NUP93: variants seen among roughly 807,000 people sequenced by gnomAD.
The protein encoded by NUP93 is nucleoporin 93.
NUP93 carries 55 observed loss-of-function variants against 107.8 expected under a neutral mutation model. The ratio of observed to expected loss-of-function variants is 0.51; its 90% confidence interval spans 0.41 to 0.64. The LOEUF (loss-of-function observed/expected upper bound fraction) is 0.64, where lower values mean the gene tolerates loss of function less well. Ranked by LOEUF, NUP93 falls within the 30% of genes least tolerant of loss-of-function variation. The pLI, the probability that NUP93 is intolerant of heterozygous loss-of-function variation, is 0.00. For missense variants in NUP93, 937 were observed against 1,044.7 expected, an observed-to-expected ratio of 0.90 and a Z score of 1.42; for synonymous variants, 390 against 397.5, an observed-to-expected ratio of 0.98 and a Z score of 0.22.
At chr16:56,760,153 T>C (rs1962097174) in intron 3 of NUP93, among the ~76,000 whole-genome samples, 1 of 152,206 alleles carries the variant, frequency 6.6e-6, no homozygotes, top group Non-Finnish European at 1.5e-5. Flanking sequence ...ATTTCTTAAT[T>C]TGGAATGAGC....
intron 5 of NUP93, among the ~76,000 whole-genome samples, chr16:56,806,203 T>C (rs1375539494): frequency 6.6e-6 from 1 of 151,620 alleles, no homozygotes; most frequent in Non-Finnish European, 1.5e-5. Context: ...GTTTTTCACT[T>C]GCTCAGATCA....
At chr16:56,732,451 T>G (rs1381863824) in intron 1 of NUP93, among the ~76,000 whole-genome samples, 2 of 152,150 alleles carry the variant, frequency 1.3e-5, no homozygotes, top group Non-Finnish European at 2.9e-5. Context: ...ATAGGAAGTG[T>G]GATGTCAGGG....
chr16:56,841,463 A>T (rs1220876986), intron 20 of NUP93, among the ~76,000 whole-genome samples: 1 of 152,218 alleles, frequency 6.6e-6, no homozygotes, highest in Non-Finnish European at 1.5e-5. Context: ...TGACTAAGGG[A>T]AAAACAGCAT....
At chr16:56,811,517 G>GTT (rs149356174) in intron 5 of NUP93, among the ~76,000 whole-genome samples, 17 of 146,376 alleles carry the variant, frequency 1.2e-4, no homozygotes, top group Non-Finnish European at 2.1e-4. Context: ...TTTTGTTTTT[G>GTT]TTTTTTTTTT....
At chr16:56,826,117 G>A (rs1237814263) in intron 8 of NUP93, among the ~76,000 whole-genome samples, 1 of 152,168 alleles carries the variant, frequency 6.6e-6, no homozygotes, top group Non-Finnish European at 1.5e-5. Flanking sequence ...GCCCTTGTCA[G>A]CACATGAACT....
At chr16:56,748,125 T>C in intron 1 of NUP93, 109 bp from the exon 2 acceptor site, 1 of 689,792 alleles carries the variant, frequency 1.4e-6, no homozygotes, top group East Asian at 2.6e-5. Flanking sequence ...TGTGTCCTCG[T>C]CTGTTTACAA....
rs113942827 is a variant in NUP93, at chr16:56,812,585, T to C, written c.490-6079T>C. Among the ~76,000 whole-genome samples the C allele has an allele frequency of 5.1e-3, 780 of 152,230 alleles. 2 individuals are homozygous for C. The highest frequency in any genetic ancestry group is 8.2e-3 in the Non-Finnish European group (556 of 68,012). On this transcript the variant is annotated intron_variant, in intron 5 of 21. Transcript: ENST00000308159. ...GTCTGGATCTCCTGACCTTGTGATC[T>C]GCCCGCCTCGGCCTCCCAAAGTGCT...
chr16:56,837,021 A>G (rs1254453499), intron 17 of NUP93, among the ~76,000 whole-genome samples: 1 of 152,234 alleles, frequency 6.6e-6, no homozygotes, highest in Non-Finnish European at 1.5e-5. Context: ...CACTGTTGAA[A>G]ATTACATTAT....
At chr16:56,761,025 A>G (rs4346201) in intron 3 of NUP93, among the ~76,000 whole-genome samples, 33,571 of 152,126 alleles carry the variant, frequency 0.22, 3,810 homozygotes, top group Middle Eastern at 0.34. Flanking sequence ...AATAGCTTCA[A>G]AAAATGCAAA....
At chr16:56,842,618 T>A (rs1284093620) in intron 21 of NUP93, 1 of 450,916 alleles carries the variant, frequency 2.2e-6, no homozygotes, top group Non-Finnish European at 4.4e-6. Flanking sequence ...AATGACACGA[T>A]CTCAGCTCAC....
chr16:56,840,234 A>G (rs1335566006), intron 20 of NUP93, among the ~76,000 whole-genome samples: 6 of 152,072 alleles, frequency 3.9e-5, no homozygotes, highest in African/African-American at 1.4e-4. Flanking sequence ...GTTAGCCAGG[A>G]TGGTCTCGAT....
At chr16:56,844,078 C>G (rs926001213) in intron 21 of NUP93, among the ~76,000 whole-genome samples, 11 of 152,186 alleles carry the variant, frequency 7.2e-5, no homozygotes, top group Admixed American at 2.0e-4. Context: ...TCCGGTGTCA[C>G]AAGGGCTTCA....
At chr16:56,816,590 G>GC (rs1295365520) in intron 5 of NUP93, among the ~76,000 whole-genome samples, 6 of 152,116 alleles carry the variant, frequency 3.9e-5, no homozygotes, top group Non-Finnish European at 8.8e-5. Flanking sequence ...GCCATGACAG[G>GC]CCCCCCGCCT....
At chr16:56,796,830 A>G (rs545014038) in intron 3 of NUP93, among the ~76,000 whole-genome samples, 2 of 152,162 alleles carry the variant, frequency 1.3e-5, no homozygotes, top group Non-Finnish European at 2.9e-5. Flanking sequence ...TACAAAAATT[A>G]GCTGGAGTGG....
intron 3 of NUP93, among the ~76,000 whole-genome samples, chr16:56,794,995 A>G (rs1199182794): frequency 6.6e-6 from 1 of 150,626 alleles, no homozygotes; most frequent in Non-Finnish European, 1.5e-5. Flanking sequence ...ACTGGGAAGA[A>G]CAGAAGAAGC....
At chr16:56,753,430 A>C (rs1961960156) in intron 2 of NUP93, among the ~76,000 whole-genome samples, 1 of 152,152 alleles carries the variant, frequency 6.6e-6, no homozygotes, top group African/African-American at 2.4e-5. Flanking sequence ...TATCATGGGG[A>C]TTCTGTCAGT....
chr16:56,782,865 G>A (rs1319869713), intron 3 of NUP93, among the ~76,000 whole-genome samples: 1 of 152,116 alleles, frequency 6.6e-6, no homozygotes, highest in Non-Finnish European at 1.5e-5. Context: ...ACTAAATATT[G>A]GCAATTTAAA....
chr16:56,814,965 A>G (rs1041297759), intron 5 of NUP93, among the ~76,000 whole-genome samples: 5 of 152,330 alleles, frequency 3.3e-5, no homozygotes, highest in Admixed American at 6.5e-5. Context: ...GCACGTACAC[A>G]TCCTCTTGTG....
Position 56,845,708 on chromosome 16 carries a change from A to T in NUP93, c.*1099A>T, listed in dbSNP as rs184097780. ...TTTGATGGACGGCTCCCTGAGGTAG[A>T]CTCTTTCCCAGCAGAATGTTAAGAT... On this transcript the variant is annotated 3_prime_UTR_variant, in exon 22 of 22. Coordinates refer to ENST00000308159, the MANE Select transcript of NUP93 (RefSeq NM_014669.5). 1.9e-4 allele frequency: 29 copies of T among 152,116 alleles called. No individual in the cohort carries two copies. Among genetic ancestry groups the T allele is most frequent in the African/African-American group, 6.7e-4 (28 of 41,502 alleles). 9.4% of individuals were successfully genotyped at this position (152,116 alleles called of 1,614,324 possible). A position where few individuals can be genotyped will look rare whatever the true frequency, so the allele number is the denominator to read the frequency against.
Sources: gnomAD v4.1 joint callset for allele counts (sites outside exome capture counted in the v4.1 genomes callset) on GRCh38, gnomAD v4.1.1 for gene constraint, MANE v1.5 for transcripts, NCBI Gene and HGNC (gene_info 2026-07-23, HGNC 2026-07-21) for gene names.